Variants in TXNRD2 observed in about 807,000 individuals in gnomAD.
TXNRD2 encodes thioredoxin reductase 2, also known as thioredoxin reductase 2, mitochondrial.
In TXNRD2, 67 loss-of-function variants were observed where a neutral mutation model predicts 70.8. That is an observed-to-expected ratio of 0.95 (90% CI 0.78 to 1.16). The LOEUF (loss-of-function observed/expected upper bound fraction) is 1.16, where lower values mean the gene tolerates loss of function less well. TXNRD2 is among the 50% of genes most tolerant of loss of function. The pLI is 0.00. For missense variants in TXNRD2, 644 were observed against 719.9 expected (o/e 0.89, Z 1.21); for synonymous variants, 301 against 295.8 (o/e 1.02, Z -0.18).
chr22:19,934,382 G>GAAAAAAAAAAAAAAAAAAAAAAAAAA (rs35669821), intron 1 of TXNRD2, among the ~76,000 whole-genome samples: 1 of 93,760 alleles, frequency 1.1e-5, no homozygotes, highest in African/African-American at 4.1e-5. Context: ...CTCTGTCTCA[G>GAAAAAAAAAAAAAAAAAAAAAAAAAA]AAAAAAAAAA....
chr22:19,909,943 C>CCCTT (rs1569094113), intron 8 of TXNRD2, among the ~76,000 whole-genome samples: 62 of 129,730 alleles, frequency 4.8e-4, no homozygotes, highest in Admixed American at 4.2e-3. Flanking sequence ...CACTCACACA[C>CCCTT]CACACACACA....
At chr22:19,887,552 G>A (rs1002276361) in intron 11 of TXNRD2, 1 of 152,270 alleles carries the variant, frequency 6.6e-6, no homozygotes, top group African/African-American at 2.4e-5. Flanking sequence ...GGGCCCAGCT[G>A]GACGTCGGCA....
At chr22:19,911,349 G>T in intron 8 of TXNRD2, 28 bp downstream of exon 8, 1 of 1,588,544 alleles carries the variant, frequency 6.3e-7, no homozygotes, top group South Asian at 1.1e-5. Context: ...ACAAAAAGAG[G>T]ACCCCACCAA....
intron 2 of TXNRD2, among the ~76,000 whole-genome samples, chr22:19,927,651 CAA>C (rs149665821): frequency 5.8e-4 from 40 of 68,394 alleles, no homozygotes; most frequent in East Asian, 1.7e-3. Flanking sequence ...GACCTTGTCT[CAA>C]AAAAAAAAAA....
intron 8 of TXNRD2, among the ~76,000 whole-genome samples, chr22:19,908,039 TG>T (rs1940147366): frequency 1.0e-5 from 1 of 97,938 alleles, no homozygotes; most frequent in African/African-American, 4.1e-5. Context: ...CAGGAGAGTG[TG>T]GGCGCCGTGG....
At chr22:19,903,532 G>A (rs538169356) in intron 8 of TXNRD2, among the ~76,000 whole-genome samples, 4 of 152,340 alleles carry the variant, frequency 2.6e-5, no homozygotes, top group South Asian at 4.1e-4. Context: ...GCACACTGGC[G>A]GGGCCCAAGT....
intron 1 of TXNRD2, chr22:19,933,614 C>A: frequency 1.3e-6 from 1 of 796,484 alleles, no homozygotes; most frequent in Non-Finnish European, 1.7e-6. Context: ...GGAGCCCTCT[C>A]GGGCTGATAA....
chr22:19,886,967 T>C (rs1391791647), intron 11 of TXNRD2, among the ~76,000 whole-genome samples: 1 of 152,192 alleles, frequency 6.6e-6, no homozygotes, highest in Non-Finnish European at 1.5e-5. Flanking sequence ...TGGGGGCTTC[T>C]GGGCGCAGGG....
chr22:19,908,345 A>G (rs1940167620), intron 8 of TXNRD2, among the ~76,000 whole-genome samples: 1 of 152,182 alleles, frequency 6.6e-6, no homozygotes, highest in African/African-American at 2.4e-5. Flanking sequence ...GCCTGTCAGC[A>G]CAAAGTGTTA....
intron 1 of TXNRD2, chr22:19,932,576 C>T (rs918012781): frequency 1.4e-6 from 2 of 1,463,008 alleles, no homozygotes; most frequent in Admixed American, 4.5e-5. Context: ...CAGGCACCAG[C>T]CAACTCCCTG....
intron 11 of TXNRD2, among the ~76,000 whole-genome samples, chr22:19,892,380 C>A (rs1037440939): frequency 2.0e-5 from 3 of 152,256 alleles, no homozygotes; most frequent in Non-Finnish European, 2.9e-5. Flanking sequence ...GAAGCCGCGC[C>A]GCCCTCGGGA....
chr22:19,901,623 G>A (rs752726927), intron 8 of TXNRD2, among the ~76,000 whole-genome samples: 1 of 152,172 alleles, frequency 6.6e-6, no homozygotes, highest in Non-Finnish European at 1.5e-5. Flanking sequence ...AGAGAACTCC[G>A]TTCAGACCAG....
At chr22:19,880,811 C>T in intron 12 of TXNRD2, 94 bp from the exon 13 acceptor site, 1 of 840,860 alleles carries the variant, frequency 1.2e-6, no homozygotes, top group East Asian at 2.6e-5. Flanking sequence ...GTGGGCATCT[C>T]CCTTTAGAAA....
intron 2 of TXNRD2, among the ~76,000 whole-genome samples, chr22:19,930,740 G>C (rs1316073194): frequency 6.6e-6 from 1 of 152,236 alleles, no homozygotes; most frequent in Non-Finnish European, 1.5e-5. Context: ...CGGAGGGTGT[G>C]AGTGGTGGGA....
chr22:19,933,601 C>T, intron 1 of TXNRD2: 1 of 958,550 alleles, frequency 1.0e-6, no homozygotes, highest in Non-Finnish European at 1.4e-6. Flanking sequence ...CTGTGCACAC[C>T]CAGGAGCCCT....
rs1043060162 is a variant in TXNRD2, at chr22:19,939,762, T to C, written c.103+1939A>G. 3.3e-5 allele frequency among the ~76,000 whole-genome samples: 5 copies of C among 152,162 alleles called. No homozygotes were observed. In the East Asian group the frequency reaches 5.8e-4, roughly 18 times the overall value. ...GCTTGTCTTCCAGAGAGATTAGCTA[T>C]AGGGAAATGGGGACATTTGGTCTCT... On this transcript the variant is annotated intron_variant, in intron 1 of 17. Coordinates refer to ENST00000400521, the MANE Select transcript of TXNRD2 (RefSeq NM_006440.5).
At chr22:19,911,138 C>T in intron 8 of TXNRD2, 4 of 595,138 alleles carry the variant, frequency 6.7e-6, no homozygotes, top group African/African-American at 2.1e-5. Flanking sequence ...ACTATATTGC[C>T]CAGGCTGATG....
chr22:19,907,432 C>T (rs111710953), intron 8 of TXNRD2, among the ~76,000 whole-genome samples: 1 of 22,510 alleles, frequency 4.4e-5, no homozygotes. Flanking sequence ...TAGCAGTGAC[C>T]GCTCTCAGGA....
chr22:19,898,384 G>A (rs375429003), intron 9 of TXNRD2, among the ~76,000 whole-genome samples: 11 of 152,356 alleles, frequency 7.2e-5, no homozygotes, highest in Middle Eastern at 3.4e-3. Context: ...GCTCCAGGGC[G>A]AGGCCTGCAT....
Sources: allele counts gnomAD v4.1 joint callset (sites outside exome capture counted in the v4.1 genomes callset), GRCh38; gene constraint gnomAD v4.1.1; transcripts MANE v1.5; gene names NCBI Gene and HGNC (gene_info 2026-07-23, HGNC 2026-07-21).